IGFL4: variants seen among roughly 807,000 people sequenced by gnomAD.
IGFL4 encodes the protein IGF like family member 4.
IGFL4 carries 12 observed loss-of-function variants against 15.4 expected under a neutral mutation model. The observed-to-expected ratio is 0.78, with a 90% CI of 0.50 to 1.26. IGFL4 has a LOEUF of 1.26. Among genes scored for constraint, IGFL4 ranks in the 50% most tolerant of loss-of-function variants. The pLI is 0.00. For missense variants in IGFL4, 126 were observed against 147.8 expected (o/e 0.85, Z 0.76); for synonymous variants, 54 against 55.9 (o/e 0.97, Z 0.16).
chr19:46,075,150 A>G (rs544789637), intron 1 of IGFL4, among the ~76,000 whole-genome samples: 2 of 152,368 alleles, frequency 1.3e-5, no homozygotes, highest in East Asian at 3.8e-4. Context: ...AAAAGCTTCC[A>G]AATACCTTGA....
chr19:46,044,027 A>G (rs1205852930), upstream of IGFL4, among the ~76,000 whole-genome samples: 1 of 152,122 alleles, frequency 6.6e-6, no homozygotes, highest in Admixed American at 6.5e-5. Context: ...GTCACTCTCA[A>G]CCCATGGAGA....
intron 1 of IGFL4, among the ~76,000 whole-genome samples, chr19:46,071,296 A>G (rs879598082): frequency 2.6e-5 from 4 of 152,048 alleles, no homozygotes; most frequent in Admixed American, 6.6e-5. Context: ...TCCCTTGACT[A>G]TGTTGGGGGT....
chr19:46,059,663 A>G (rs1666408256), intron 2 of IGFL4: 1 of 152,088 alleles, frequency 6.6e-6, no homozygotes, highest in South Asian at 2.1e-4. Context: ...CCAGTCTCCC[A>G]TTTTTTACTA....
intron 1 of IGFL4, among the ~76,000 whole-genome samples, chr19:46,068,252 A>G (rs1466299909): frequency 6.6e-6 from 1 of 152,220 alleles, no homozygotes; most frequent in East Asian, 1.9e-4. Context: ...AGATGAAGAA[A>G]GACCCACCAG....
intron 1 of IGFL4, among the ~76,000 whole-genome samples, chr19:46,072,154 T>C (rs1969552372): frequency 6.6e-6 from 1 of 152,168 alleles, no homozygotes; most frequent in Non-Finnish European, 1.5e-5. Context: ...TGTTTTCAGG[T>C]GGTGAACGAA....
upstream of IGFL4, among the ~76,000 whole-genome samples, chr19:46,044,892 C>A (rs1969283514): frequency 1.3e-5 from 2 of 151,584 alleles, no homozygotes. Flanking sequence ...GGAATAGTGG[C>A]CTGACTGTTA....
chr19:46,070,213 G>A (rs943283673), intron 1 of IGFL4, among the ~76,000 whole-genome samples: 7 of 151,050 alleles, frequency 4.6e-5, no homozygotes, highest in Non-Finnish European at 7.4e-5. Flanking sequence ...TCACATCCAC[G>A]GGACAAAAAC....
At chr19:46,068,186 C>T (rs1255672421) in intron 1 of IGFL4, among the ~76,000 whole-genome samples, 2 of 152,220 alleles carry the variant, frequency 1.3e-5, no homozygotes, top group African/African-American at 4.8e-5. Context: ...AATTCCGCCA[C>T]CATGTGTCAC....
chr19:46,055,715 A>T (rs934493718), intron 2 of IGFL4, among the ~76,000 whole-genome samples: 1 of 152,224 alleles, frequency 6.6e-6, no homozygotes, highest in Non-Finnish European at 1.5e-5. Context: ...CTTTGTTCTC[A>T]ATATTTTACA....
At chr19:46,049,298 G>A (rs1332764350) in intron 2 of IGFL4, among the ~76,000 whole-genome samples, 2 of 152,244 alleles carry the variant, frequency 1.3e-5, no homozygotes, top group African/African-American at 4.8e-5. Flanking sequence ...GATTGCTGCT[G>A]CAGATTATGT....
chr19:46,045,178 C>T (rs1317482057), upstream of IGFL4, among the ~76,000 whole-genome samples: 1 of 152,152 alleles, frequency 6.6e-6, no homozygotes, highest in African/African-American at 2.4e-5. Flanking sequence ...GGCGCAGTGG[C>T]TCACACCTTT....
At chr19:46,058,045 C>G (rs1448061268) in intron 2 of IGFL4, 4 of 152,154 alleles carry the variant, frequency 2.6e-5, no homozygotes, top group African/African-American at 9.7e-5. Context: ...ACCAATCATA[C>G]CTTCCCCACA....
At chr19:46,071,512 C>T (rs758041705) in intron 1 of IGFL4, among the ~76,000 whole-genome samples, 1 of 152,150 alleles carries the variant, frequency 6.6e-6, no homozygotes, top group Non-Finnish European at 1.5e-5. Flanking sequence ...AAATAATCTT[C>T]ATTGAAGTGG....
chr19:46,040,713 A>G lies in IGFL4; in HGVS notation c.20-145T>C, dbSNP rs1600667912. On this transcript the variant is annotated intron_variant, in intron 1 of 3. Coordinates refer to ENST00000377697, the MANE Select transcript of IGFL4 (RefSeq NM_001002923.3). This position sits in a 1 kb window ranked among gnomAD's most constrained non-coding sequence, Gnocchi z 4.1. Reference sequence around the variant, plus strand: ...CTGGCTGTGGGTGCAGGTCCTGGGGACTGGGCTTGGCAGGTGAGGAAAGGC... The same window carrying G: ...CTGGCTGTGGGTGCAGGTCCTGGGGGCTGGGCTTGGCAGGTGAGGAAAGGC... The G allele has an allele frequency of 9.6e-7, 1 of 1,036,674 alleles. No individual in the cohort carries two copies. The highest frequency in any genetic ancestry group is 1.5e-6 in the Non-Finnish European group (1 of 681,040). 64.2% of individuals were successfully genotyped at this position (1,036,674 alleles called of 1,614,324 possible).
intron 1 of IGFL4, among the ~76,000 whole-genome samples, chr19:46,065,307 A>C (rs562816463): frequency 5.3e-3 from 485 of 91,158 alleles, no homozygotes; most frequent in African/African-American, 0.02. Context: ...GCTGTGCAGA[A>C]GCTTTTCTTT....
chr19:46,049,365 T>A (rs1378553006), intron 2 of IGFL4, among the ~76,000 whole-genome samples: 1 of 152,192 alleles, frequency 6.6e-6, no homozygotes, highest in Non-Finnish European at 1.5e-5. Flanking sequence ...GCTTGTAGCC[T>A]GGGGCAAGTT....
At chr19:46,056,101 G>A (rs1568713507) in intron 2 of IGFL4, among the ~76,000 whole-genome samples, 1 of 152,146 alleles carries the variant, frequency 6.6e-6, no homozygotes, top group Non-Finnish European at 1.5e-5. Context: ...TATAAAGGTG[G>A]CATAAATGGT....
chr19:46,066,628 A>G (rs1038677022), intron 1 of IGFL4, among the ~76,000 whole-genome samples: 2 of 152,214 alleles, frequency 1.3e-5, no homozygotes, highest in African/African-American at 4.8e-5. Context: ...CCTGTTACTC[A>G]TGGCAGAATG....
chr19:46,075,386 G>GT (rs1375991759), intron 1 of IGFL4, among the ~76,000 whole-genome samples: 2 of 151,996 alleles, frequency 1.3e-5, no homozygotes, highest in Non-Finnish European at 2.9e-5. Flanking sequence ...ATTTTTCCTT[G>GT]TTTTTGATGA....
Sources: gnomAD v4.1 joint callset for allele counts (sites outside exome capture counted in the v4.1 genomes callset) on GRCh38, gnomAD v4.1.1 for gene constraint, Gnocchi (gnomAD v3.1) non-coding constraint, MANE v1.5 for transcripts, NCBI Gene and HGNC (gene_info 2026-07-23, HGNC 2026-07-21) for gene names.